The following RANBP2 variants were observed in gnomAD, a reference collection of about 807,000 sequenced individuals.
The protein encoded by RANBP2 is E3 SUMO-protein ligase RanBP2.
Under a neutral mutation model 303.6 loss-of-function variants are expected in RANBP2, and 57 were observed. That is an observed-to-expected ratio of 0.19 (90% confidence interval 0.15 to 0.23). The LOEUF (loss-of-function observed/expected upper bound fraction) is 0.23. Ranked by LOEUF, RANBP2 falls within the 10% of genes least tolerant of loss-of-function variation. The pLI, the probability that RANBP2 is intolerant of heterozygous loss-of-function variation, is 1.00. For synonymous variants in RANBP2, 1,167 were observed against 1,301.5 expected (o/e 0.90, Z 2.23); for missense variants, 3,138 against 3,780.8 (o/e 0.83, Z 4.46).
the RANBP2 span, among the ~76,000 whole-genome samples, chr2:109,200,330 C>A: frequency 6.6e-6 from 1 of 152,196 alleles, no homozygotes; most frequent in East Asian, 1.9e-4. Context: ...GCAGAACTCA[C>A]TAGCAGCCTC....
At chr2:109,102,862 T>A in the RANBP2 span, among the ~76,000 whole-genome samples, 1 of 152,176 alleles carries the variant, frequency 6.6e-6, no homozygotes, top group Non-Finnish European at 1.5e-5. Flanking sequence ...AATGTATTGC[T>A]GTAAATTATT....
chr2:109,737,141 C>T, the RANBP2 span: 1 of 976,830 alleles, frequency 1.0e-6, no homozygotes, highest in Non-Finnish European at 1.5e-6. Flanking sequence ...GAAATTTAAT[C>T]CTCGTCTTCC....
chr2:108,955,711 A>G, the RANBP2 span, among the ~76,000 whole-genome samples: 3 of 151,616 alleles, frequency 2.0e-5, no homozygotes, highest in South Asian at 6.2e-4. Flanking sequence ...GTCTCAAAAA[A>G]TAAATAAATA....
the RANBP2 span, among the ~76,000 whole-genome samples, chr2:109,158,360 A>G: frequency 1.3e-5 from 2 of 152,124 alleles, no homozygotes; most frequent in Non-Finnish European, 2.9e-5. Context: ...CTCTTCTCTC[A>G]TCCTGGGGAG....
chr2:109,360,805 T>G, the RANBP2 span, among the ~76,000 whole-genome samples: 972 of 152,364 alleles, frequency 6.4e-3, 7 homozygotes, highest in African/African-American at 0.021. Flanking sequence ...TGTACACTTT[T>G]AATTTCCTTT....
the RANBP2 span, among the ~76,000 whole-genome samples, chr2:109,489,666 G>A: frequency 1.3e-5 from 2 of 150,550 alleles, no homozygotes; most frequent in East Asian, 2.0e-4. Context: ...TGGGGGCCTC[G>A]GGGCCTATTT....
chr2:109,477,515 AG>A, the RANBP2 span, among the ~76,000 whole-genome samples: 1 of 152,214 alleles, frequency 6.6e-6, no homozygotes, highest in Non-Finnish European at 1.5e-5. Flanking sequence ...AGGTGAGACC[AG>A]GAGAGCCTCT....
chr2:109,441,982 A>G, the RANBP2 span, among the ~76,000 whole-genome samples: 2 of 149,374 alleles, frequency 1.3e-5, no homozygotes, highest in Non-Finnish European at 1.5e-5. Context: ...AGAATTATTC[A>G]GAAATAGTAA....
the RANBP2 span, among the ~76,000 whole-genome samples, chr2:109,525,401 T>A: frequency 2.6e-5 from 4 of 152,152 alleles, no homozygotes. Context: ...TGACCTCAAA[T>A]GATCTGCCCA....
intron 17 of RANBP2, among the ~76,000 whole-genome samples, chr2:108,757,128 T>C (rs1676377914): frequency 1.3e-5 from 2 of 152,236 alleles, no homozygotes. Flanking sequence ...ATTCCTGGGC[T>C]GATACAGAGA....
chr2:108,918,541 A>G, the RANBP2 span, among the ~76,000 whole-genome samples: 1 of 152,214 alleles, frequency 6.6e-6, no homozygotes, highest in Non-Finnish European at 1.5e-5. Flanking sequence ...GCAGTTCCAC[A>G]AAACAGGCAA....
chr2:108,980,706 C>T, the RANBP2 span, among the ~76,000 whole-genome samples: 1 of 152,056 alleles, frequency 6.6e-6, no homozygotes, highest in African/African-American at 2.4e-5. Context: ...GAGCAAGACA[C>T]ACAGACATCT....
the RANBP2 span, among the ~76,000 whole-genome samples, chr2:109,668,986 A>C: frequency 6.6e-6 from 1 of 152,192 alleles, no homozygotes; most frequent in African/African-American, 2.4e-5. Flanking sequence ...GCAGTAACCA[A>C]ATCTGCATGA....
chr2:108,923,167 C>T, the RANBP2 span, among the ~76,000 whole-genome samples: 1 of 152,320 alleles, frequency 6.6e-6, no homozygotes, highest in East Asian at 1.9e-4. Context: ...AGAACCTCAG[C>T]CTCTGACTCA....
the RANBP2 span, among the ~76,000 whole-genome samples, chr2:108,871,368 A>AC: frequency 3.9e-3 from 109 of 28,110 alleles, no homozygotes; most frequent in African/African-American, 0.015. Flanking sequence ...CCCCAACTCT[A>AC]TTAAAAAAAA....
At chr2:109,610,072 G>A in the RANBP2 span, among the ~76,000 whole-genome samples, 1 of 150,696 alleles carries the variant, frequency 6.6e-6, no homozygotes, top group African/African-American at 2.5e-5. Flanking sequence ...TTCCTTAAGC[G>A]AGACACTAAA....
the RANBP2 span, among the ~76,000 whole-genome samples, chr2:108,863,274 A>G: frequency 6.6e-6 from 1 of 152,220 alleles, no homozygotes; most frequent in South Asian, 2.1e-4. Flanking sequence ...CAAAGCACCA[A>G]CCTAATCCTA....
At chr2:109,004,992 C>T in the RANBP2 span, among the ~76,000 whole-genome samples, 2 of 152,122 alleles carry the variant, frequency 1.3e-5, no homozygotes, top group Non-Finnish European at 2.9e-5. Flanking sequence ...ATTTTCTCTT[C>T]TCCCTCTTCC....
the RANBP2 span, among the ~76,000 whole-genome samples, chr2:108,849,810 T>C: frequency 6.6e-6 from 1 of 152,234 alleles, no homozygotes; most frequent in Non-Finnish European, 1.5e-5. Context: ...CCAGTGTTCA[T>C]CTACTACCTG....
Sources: allele counts gnomAD v4.1 joint callset (sites outside exome capture counted in the v4.1 genomes callset), GRCh38; gene constraint gnomAD v4.1.1; transcripts MANE v1.5; gene names NCBI Gene and HGNC (gene_info 2026-07-23, HGNC 2026-07-21).